Variants in PCDH17 observed in about 807,000 individuals in gnomAD.
PCDH17 encodes the protein protocadherin 17.
PCDH17 carries 21 observed loss-of-function variants against 67.7 expected under a neutral mutation model. The ratio of observed to expected loss-of-function variants is 0.31; its 90% CI spans 0.22 to 0.45. PCDH17 has a LOEUF of 0.45. PCDH17 is among the 20% of genes least tolerant of loss of function. PCDH17 has a pLI of 1.00. For missense variants in PCDH17, 1,471 were observed against 1,564.8 expected (o/e 0.94, Z 1.01); for synonymous variants, 701 against 656.7 (o/e 1.07, Z -1.03).
At chr13:57,659,091 A>G (rs1019070803) in intron 1 of PCDH17, among the ~76,000 whole-genome samples, 4 of 134,894 alleles carry the variant, frequency 3.0e-5, no homozygotes, top group Non-Finnish European at 1.6e-5. Flanking sequence ...ATTAGCACCA[A>G]GGTTATTTAT....
At chr13:57,650,470 G>C (rs1173586407) in intron 1 of PCDH17, among the ~76,000 whole-genome samples, 1 of 151,858 alleles carries the variant, frequency 6.6e-6, no homozygotes, top group East Asian at 1.9e-4. Flanking sequence ...TTTTTAGCAA[G>C]TCAATAGTTT....
At chr13:57,674,873 T>A (rs1225530701) in intron 3 of PCDH17, among the ~76,000 whole-genome samples, 15 of 151,952 alleles carry the variant, frequency 9.9e-5, no homozygotes, top group Non-Finnish European at 1.0e-4. Flanking sequence ...TTACAAAACA[T>A]TATGGTGAGA....
intron 3 of PCDH17, among the ~76,000 whole-genome samples, chr13:57,673,215 C>T (rs1955345643): frequency 6.6e-6 from 1 of 151,930 alleles, no homozygotes; most frequent in East Asian, 2.0e-4. Flanking sequence ...TCCAATAAAA[C>T]TTGTTTGTGG....
intron 3 of PCDH17, among the ~76,000 whole-genome samples, chr13:57,697,479 T>G (rs1306322495): frequency 6.6e-6 from 1 of 151,612 alleles, no homozygotes; most frequent in Non-Finnish European, 1.5e-5. Flanking sequence ...ATAGGCTAAA[T>G]GATGTTAAGA....
In PCDH17 at chr13:57,725,108, G is replaced by C; in HGVS notation, c.3294G>C (p.Arg1098Ser). Residue 1098 changes from arginine (R) to serine (S), a missense_variant, in exon 4 of 4, where the codon AGG becomes AGC. Arg to Ser is a moderately radical substitution (Grantham distance 110, BLOSUM62 -1). Around this residue, in one of 3 missense-constraint regions of PCDH17, gnomAD observed 297 missense variants for 298.6 expected, o/e 0.99. Coordinates refer to ENST00000377918, the MANE Select transcript of PCDH17 (RefSeq NM_001040429.3). ...PPFMASDQMA[R>S]VFADVHSRAS... The stretch of plus-strand genomic sequence containing the variant: ...TCATGGCTTCCGATCAGATGGCAAG[G>C]GTCTTTGCAGATGTGCATTCCAGAG... 6.2e-7 allele frequency: 1 copy of C among 1,614,124 alleles called. No homozygotes were observed. Among genetic ancestry groups the C allele is most frequent in the Non-Finnish European group, 8.5e-7 (1 of 1,180,000 alleles).
upstream of PCDH17, among the ~76,000 whole-genome samples, chr13:57,631,607 C>T (rs1593883899): frequency 6.6e-6 from 1 of 152,178 alleles, no homozygotes; most frequent in African/African-American, 2.4e-5. Context: ...TACTTCCCCC[C>T]TCCCAATAGA....
rs1437964437 is a variant in PCDH17 at position 57,728,508 on chromosome 13, C to T, written c.*3214C>T. On this transcript the variant is annotated 3_prime_UTR_variant, in exon 4 of 4. Transcript: ENST00000377918. ...AACCCAAACTTCTAAAAATTGCTTG[C>T]AGATGAGCTAAAAAAAAAAAAAAAA... The T allele has an allele frequency of 2.0e-5, 2 of 102,172 alleles. No homozygotes were observed. The highest frequency in any genetic ancestry group is 3.7e-5 in the Non-Finnish European group (2 of 53,698). The allele number at this position is 102,172 out of a possible 1,614,324, so 6.3% of individuals were successfully genotyped here. A position where few individuals can be genotyped will look rare whatever the true frequency, so the allele number is the denominator to read the frequency against.
chr13:57,722,743 G>A (rs971279095), intron 3 of PCDH17, among the ~76,000 whole-genome samples: 3 of 151,978 alleles, frequency 2.0e-5, no homozygotes, highest in Admixed American at 6.6e-5. Flanking sequence ...AGCCTGCCGC[G>A]TAGCTGCATG....
At chr13:57,719,004 C>T (rs1404878579) in intron 3 of PCDH17, among the ~76,000 whole-genome samples, 1 of 151,964 alleles carries the variant, frequency 6.6e-6, no homozygotes, top group African/African-American at 2.4e-5. Flanking sequence ...GGGTACTTAG[C>T]TTAGATTCTG....
rs1032459077 is a variant in PCDH17 at position 57,709,882 on chromosome 13, C to T, written c.2798-14730C>T. 24 of 152,128 alleles carry T rather than the reference C, an allele frequency of 1.6e-4. 1 individual carries two copies. The highest frequency in any genetic ancestry group is 1.4e-3 in the Admixed American group (22 of 15,188). 9.4% of individuals were successfully genotyped at this position (152,128 alleles called of 1,614,324 possible). A position where few individuals can be genotyped will look rare whatever the true frequency, so the allele number is the denominator to read the frequency against. On this transcript the variant is annotated intron_variant, in intron 3 of 3. Transcript: ENST00000377918. The stretch of plus-strand genomic sequence containing the variant: ...ACTTTATTTCTTTAAAGGAAAATAG[C>T]ATAGTAAGTGAGTAATTTTCTTTAT...
chr13:57,643,908 A>C (rs974976034), intron 1 of PCDH17, among the ~76,000 whole-genome samples: 3 of 151,744 alleles, frequency 2.0e-5, no homozygotes, highest in Admixed American at 1.3e-4. Context: ...AAGTAAGCTT[A>C]TAGATATGCA....
intron 3 of PCDH17, among the ~76,000 whole-genome samples, chr13:57,684,323 CAT>C (rs1049428259): frequency 6.6e-6 from 1 of 151,874 alleles, no homozygotes; most frequent in Admixed American, 6.6e-5. Flanking sequence ...CACACATTCA[CAT>C]ATATATAAAC....
chr13:57,664,513 T>TTTCC (rs1486168312), intron 1 of PCDH17, among the ~76,000 whole-genome samples: 3 of 152,184 alleles, frequency 2.0e-5, no homozygotes, highest in Non-Finnish European at 2.9e-5. Context: ...CCCCAGACTA[T>TTTCC]TTCCTTGTGT....
chr13:57,662,082 G>T (rs1955191028), intron 1 of PCDH17, among the ~76,000 whole-genome samples: 1 of 152,056 alleles, frequency 6.6e-6, no homozygotes, highest in Non-Finnish European at 1.5e-5. Flanking sequence ...GACCAGGCTG[G>T]TCTCGAACTC....
At chr13:57,671,503 C>T (rs1451635167) in intron 3 of PCDH17, among the ~76,000 whole-genome samples, 2 of 151,958 alleles carry the variant, frequency 1.3e-5, no homozygotes, top group African/African-American at 4.8e-5. Context: ...CACACTTTAG[C>T]TTCTTTAAGT....
intron 3 of PCDH17, among the ~76,000 whole-genome samples, chr13:57,712,355 T>C (rs1408611039): frequency 6.6e-6 from 1 of 151,698 alleles, no homozygotes; most frequent in East Asian, 1.9e-4. Context: ...AATAGAAGTG[T>C]CCACATTCTC....
rs1304322516 is a variant in PCDH17 at position 57,728,629 on chromosome 13, A to G, written c.*3335A>G. 6.6e-6 allele frequency: 1 copy of G among 151,926 alleles called. No homozygotes were observed. Among genetic ancestry groups the G allele is most frequent in the East Asian group, 1.9e-4 (1 of 5,172 alleles). 9.4% of individuals were successfully genotyped at this position (151,926 alleles called of 1,614,324 possible). ...AAAGTAAACATTAAAGAGACATATC[A>G]TGCAATTTCAAAGAATTCTTTCATG... On this transcript the variant is annotated 3_prime_UTR_variant, in exon 4 of 4. Coordinates refer to ENST00000377918, the MANE Select transcript of PCDH17 (RefSeq NM_001040429.3).
rs777142599 is a variant in PCDH17 at position 57,632,901 on chromosome 13, A to G, written c.355A>G (p.Lys119Glu). The G allele has an allele frequency of 1.2e-6, 2 of 1,614,098 alleles. No individual in the cohort carries two copies. Among genetic ancestry groups the G allele is most frequent in the South Asian group, 2.2e-5 (2 of 91,080 alleles). Residue 119 changes from lysine to glutamate, a missense_variant, in exon 1 of 4, where the codon AAG (lysine) becomes GAG (glutamate). By Grantham distance (56) the Lys-to-Glu change is moderately conservative. Transcript: ENST00000377918. ...CAACGACAAGGAGATCTGCATGATC[A>G]AGGTAGAGATCCAGGACATCAACGA... ...FANDKEICMI[K>E]VEIQDINDNA...
chr13:57,655,420 A>G (rs1352809509), intron 1 of PCDH17, among the ~76,000 whole-genome samples: 2 of 151,954 alleles, frequency 1.3e-5, no homozygotes, highest in Non-Finnish European at 2.9e-5. Context: ...AAATAAATTG[A>G]TGGAAATATA....
Sources: gnomAD v4.1 joint callset for allele counts (sites outside exome capture counted in the v4.1 genomes callset) on GRCh38, gnomAD v4.1.1 for gene constraint, gnomAD v4.1.1 regional missense constraint, MANE v1.5 for transcripts, NCBI Gene and HGNC (gene_info 2026-07-23, HGNC 2026-07-21) for gene names.